The following SGCZ variants were observed in gnomAD, a reference collection of about 807,000 sequenced individuals.
The protein encoded by SGCZ is zeta-sarcoglycan.
SGCZ carries 40 observed loss-of-function variants against 41.3 expected under a neutral mutation model. That is an observed-to-expected ratio of 0.97 (90% CI 0.75 to 1.26). The LOEUF (loss-of-function observed/expected upper bound fraction) is 1.26, where lower values mean the gene tolerates loss of function less well. Among genes scored for constraint, SGCZ ranks in the 50% most tolerant of loss-of-function variants. SGCZ has a pLI of 0.00. For synonymous variants in SGCZ, 206 were observed against 137.5 expected, an observed-to-expected ratio of 1.50 and a Z score of -3.49; for missense variants, 552 against 369.8, an observed-to-expected ratio of 1.49 and a Z score of -4.04.
chr8:14,974,234 G>A (rs557805035), intron 1 of SGCZ, among the ~76,000 whole-genome samples: 40 of 152,146 alleles, frequency 2.6e-4, no homozygotes, highest in African/African-American at 7.5e-4. Context: ...CTTTAAAAAC[G>A]TATGTTGTAA....
intron 2 of SGCZ, among the ~76,000 whole-genome samples, chr8:14,385,815 C>T (rs1804554164): frequency 6.6e-6 from 1 of 152,120 alleles, no homozygotes; most frequent in South Asian, 2.1e-4. Flanking sequence ...CGAATACACT[C>T]ACTCCTTAGT....
chr8:14,877,251 G>T (rs376765112), intron 1 of SGCZ, among the ~76,000 whole-genome samples: 1 of 152,120 alleles, frequency 6.6e-6, no homozygotes, highest in Admixed American at 6.6e-5. Flanking sequence ...GGATTACCAA[G>T]TGTGAGCCAC....
At chr8:14,992,208 C>G (rs1402486736) in intron 1 of SGCZ, among the ~76,000 whole-genome samples, 4 of 151,988 alleles carry the variant, frequency 2.6e-5, no homozygotes, top group Non-Finnish European at 5.9e-5. Flanking sequence ...ATATTTACCT[C>G]TCATCCAATC....
chr8:15,236,235 C>G (rs1390337210), intron 1 of SGCZ, among the ~76,000 whole-genome samples: 1 of 145,030 alleles, frequency 6.9e-6, no homozygotes, highest in Non-Finnish European at 1.5e-5. Flanking sequence ...CCACTGTTCT[C>G]TGTCCCTCCT....
At chr8:14,421,630 G>T (rs72607308) in intron 2 of SGCZ, among the ~76,000 whole-genome samples, 7,666 of 152,130 alleles carry the variant, frequency 0.05, 440 homozygotes, top group East Asian at 0.28. Flanking sequence ...AACCACAGAT[G>T]TGGTTTACTC....
intron 1 of SGCZ, among the ~76,000 whole-genome samples, chr8:15,173,416 G>T (rs778392336): frequency 1.3e-5 from 2 of 152,102 alleles, no homozygotes; most frequent in Non-Finnish European, 2.9e-5. Flanking sequence ...ATGACTAAAT[G>T]AGACAGTTTC....
chr8:14,892,228 C>A, intron 1 of SGCZ, among the ~76,000 whole-genome samples: 1 of 152,122 alleles, frequency 6.6e-6, no homozygotes, highest in Admixed American at 6.6e-5. Context: ...CCAAACACGC[C>A]CTAGGCCTTC....
intron 4 of SGCZ, among the ~76,000 whole-genome samples, chr8:14,234,979 T>C (rs1806703602): frequency 6.6e-6 from 1 of 152,152 alleles, no homozygotes; most frequent in African/African-American, 2.4e-5. Flanking sequence ...ATCACTGTAT[T>C]TGTAACTTAA....
intron 1 of SGCZ, among the ~76,000 whole-genome samples, chr8:15,034,135 C>G (rs947709891): frequency 3.9e-5 from 6 of 152,052 alleles, no homozygotes; most frequent in African/African-American, 1.2e-4. Flanking sequence ...GGTTCTACCC[C>G]AAACAGTCTG....
chr8:14,853,312 G>C (rs1803408219), intron 1 of SGCZ: 1 of 276,276 alleles, frequency 3.6e-6, no homozygotes. Flanking sequence ...CCAAACACAG[G>C]TTAAACATGG....
intron 2 of SGCZ, among the ~76,000 whole-genome samples, chr8:14,361,266 C>T (rs985072571): frequency 1.4e-4 from 21 of 152,264 alleles, no homozygotes; most frequent in African/African-American, 4.3e-4. Context: ...TGGATAATAT[C>T]CTGAAGAGCA....
intron 1 of SGCZ, among the ~76,000 whole-genome samples, chr8:14,932,197 A>T (rs943375227): frequency 2.6e-5 from 4 of 151,988 alleles, no homozygotes; most frequent in African/African-American, 9.7e-5. Context: ...TGCCCCTAAT[A>T]AAATTAAACA....
At position 14,666,430 on chromosome 8, in the gene SGCZ, T is replaced by C. The variant is rs551279727; in HGVS notation, c.40-111504A>G. On this transcript the variant is annotated intron_variant, in intron 1 of 7. Transcript: ENST00000382080. ...GATGGTAATTGGTGACCAGATGCAG[T>C]GAATCACAAAAACGTTAGTGTCCTT... Among the ~76,000 whole-genome samples the C allele has an allele frequency of 8.0e-4, 122 of 152,322 alleles. 1 individual carries two copies. The highest frequency in any genetic ancestry group is 1.6e-3 in the Non-Finnish European group (107 of 68,030).
At chr8:14,581,336 G>A (rs1036509344) in intron 1 of SGCZ, among the ~76,000 whole-genome samples, 6 of 151,972 alleles carry the variant, frequency 3.9e-5, no homozygotes, top group Non-Finnish European at 7.4e-5. Context: ...CGACCTCCTG[G>A]CCTCAAGCGA....
At chr8:14,836,886 A>C (rs1802718981) in intron 1 of SGCZ, among the ~76,000 whole-genome samples, 1 of 152,212 alleles carries the variant, frequency 6.6e-6, no homozygotes, top group Non-Finnish European at 1.5e-5. Context: ...CATGGAAAAC[A>C]ATATTCACAG....
At chr8:14,613,523 G>A (rs1035404286) in intron 1 of SGCZ, among the ~76,000 whole-genome samples, 1 of 152,054 alleles carries the variant, frequency 6.6e-6, no homozygotes, top group Non-Finnish European at 1.5e-5. Context: ...CTTGCAAATA[G>A]TATTTTGTTT....
intron 2 of SGCZ, among the ~76,000 whole-genome samples, chr8:14,499,467 T>C (rs1480885522): frequency 6.6e-6 from 1 of 152,050 alleles, no homozygotes; most frequent in East Asian, 1.9e-4. Context: ...TTGCAACATA[T>C]ATTGCTGAAA....
chr8:14,757,307 C>G (rs941590364), intron 1 of SGCZ, among the ~76,000 whole-genome samples: 3 of 152,348 alleles, frequency 2.0e-5, no homozygotes, highest in South Asian at 4.1e-4. Flanking sequence ...CCTCAGCCTC[C>G]CAAAGCACTG....
In SGCZ at chr8:14,877,835, T is replaced by C. The variant is rs185688188; in HGVS notation, c.40-322909A>G. On this transcript the variant is annotated intron_variant, in intron 1 of 7. Transcript: ENST00000382080. Reference sequence around the variant, plus strand: ...ATAAGGAAAAACTGATCACTCTGGTTACTTACAATAGTTCTAATGGATTTT... The same window carrying C: ...ATAAGGAAAAACTGATCACTCTGGTCACTTACAATAGTTCTAATGGATTTT... Among the ~76,000 whole-genome samples the C allele has an allele frequency of 2.0e-5, 3 of 152,278 alleles. No individual in the cohort carries two copies. In the East Asian group the frequency reaches 5.8e-4, roughly 29 times the overall value.
Sources: gnomAD v4.1 joint callset for allele counts (sites outside exome capture counted in the v4.1 genomes callset) on GRCh38, gnomAD v4.1.1 for gene constraint, MANE v1.5 for transcripts, NCBI Gene and HGNC (gene_info 2026-07-23, HGNC 2026-07-21) for gene names.